RAB11FIP3: variants seen among roughly 807,000 people sequenced by gnomAD.
RAB11FIP3 encodes the protein RAB11 family interacting protein 3.
A neutral mutation model predicts 77.8 loss-of-function variants in RAB11FIP3; 17 were observed. The observed-to-expected ratio is 0.22, with a 90% CI of 0.15 to 0.33. The LOEUF (loss-of-function observed/expected upper bound fraction) is 0.33, where lower values mean the gene tolerates loss of function less well. Among genes scored for constraint, RAB11FIP3 ranks in the 10% least tolerant of loss-of-function variants. RAB11FIP3 has a pLI of 1.00. For missense variants in RAB11FIP3, 1,005 were observed against 1,011.2 expected, an observed-to-expected ratio of 0.99 and a Z score of 0.08; for synonymous variants, 437 against 448.2, an observed-to-expected ratio of 0.98 and a Z score of 0.31.
At chr16:519,188 G>C (rs1267598649) in intron 10 of RAB11FIP3, 164 bp downstream of exon 10, 1 of 685,784 alleles carries the variant, frequency 1.5e-6, no homozygotes, top group Non-Finnish European at 2.5e-6. Context: ...ACTGGACCGT[G>C]CTCCACCCAC....
Position 519,777 on chromosome 16 carries a change from G to A in RAB11FIP3, c.1746G>A (p.Glu582=), listed in dbSNP as rs1222188834. Residue 582 remains glutamate, a synonymous_variant, in exon 11 of 14, where the codon GAG becomes GAA. Coordinates refer to ENST00000262305, the MANE Select transcript of RAB11FIP3 (RefSeq NM_014700.4). The part of the protein sequence containing the change: ...LEEEKQKLLD[E]IESLTLRLSE... Reference sequence around the variant, plus strand: ...AGGAGAAGCAGAAGCTGTTGGATGAGATAGAGTCGCTGACGCTGCGGCTCA... The same window carrying A: ...AGGAGAAGCAGAAGCTGTTGGATGAAATAGAGTCGCTGACGCTGCGGCTCA... 1.2e-6 allele frequency: 2 copies of A among 1,612,762 alleles called. No individual in the cohort carries two copies. Among genetic ancestry groups the A allele is most frequent in the South Asian group, 1.1e-5 (1 of 90,832 alleles).
chr16:513,153 A>C (rs2032260898), intron 9 of RAB11FIP3, among the ~76,000 whole-genome samples: 2 of 152,216 alleles, frequency 1.3e-5, no homozygotes, highest in Non-Finnish European at 2.9e-5. Flanking sequence ...AGGACTCTAG[A>C]GTTCTCTATC....
intron 6 of RAB11FIP3, chr16:497,490 C>G (rs991563960): frequency 2.5e-6 from 3 of 1,190,876 alleles, no homozygotes; most frequent in South Asian, 1.6e-5. Context: ...TCCTAGTCCC[C>G]GTCCTGCTTC....
intron 7 of RAB11FIP3, among the ~76,000 whole-genome samples, chr16:503,424 C>T (rs759442120): frequency 5.3e-5 from 8 of 152,174 alleles, no homozygotes; most frequent in Admixed American, 1.3e-4. Flanking sequence ...ACATTCAGTC[C>T]ACCAGGCCCA....
At chr16:515,703 T>C (rs2032378821) in intron 9 of RAB11FIP3, among the ~76,000 whole-genome samples, 1 of 150,890 alleles carries the variant, frequency 6.6e-6, no homozygotes, top group African/African-American at 2.5e-5. Context: ...CGCACCGGTG[T>C]TTGCATCTCG....
rs1167520727 is a variant in RAB11FIP3 at position 425,766 on chromosome 16, G to T, written c.-241G>T. The T allele has an allele frequency of 1.5e-5, 5 of 332,970 alleles. No homozygotes were observed. Among genetic ancestry groups the T allele is most frequent in the Middle Eastern group, 8.1e-4 (1 of 1,234 alleles). 20.6% of individuals were successfully genotyped at this position (332,970 alleles called of 1,614,324 possible). On this transcript the variant is annotated 5_prime_UTR_variant, in exon 1 of 14. Transcript: ENST00000262305. Reference sequence around the variant, plus strand: ...GCCATCCGCCGCCCGGATCCTCGCCGCCCTCCCTAGGCCGCCCCGCCGCCA... The same window carrying T: ...GCCATCCGCCGCCCGGATCCTCGCCTCCCTCCCTAGGCCGCCCCGCCGCCA...
In RAB11FIP3 at chr16:519,974, T is replaced by C. The variant is rs2032602128; in HGVS notation, c.1860+83T>C. On this transcript the variant is annotated intron_variant, in intron 11 of 13. Transcript: ENST00000262305. ...CTTTGTTTCCTGAGACGCTAGCTCT[T>C]GGCTGTGCTGCTTTGGGCATAGCCG... 3 of 1,523,120 alleles carry C rather than the reference T, an allele frequency of 2.0e-6. No individual in the cohort carries two copies. The East Asian group carries it at 7.4e-5, about 38-fold the overall frequency. 94.4% of individuals were successfully genotyped at this position (1,523,120 alleles called of 1,614,324 possible). A position where few individuals can be genotyped will look rare whatever the true frequency, so the allele number is the denominator to read the frequency against.
intron 9 of RAB11FIP3, among the ~76,000 whole-genome samples, chr16:516,999 G>A (rs1027285636): frequency 6.6e-6 from 1 of 152,212 alleles, no homozygotes; most frequent in Admixed American, 6.5e-5. Context: ...GGGAAAGCAG[G>A]GACCTGTCAG....
rs570908723 is a variant in RAB11FIP3, at chr16:430,977, G to A, written c.714+4257G>A. Among the ~76,000 whole-genome samples, 16 of 152,340 alleles carry A rather than the reference G, an allele frequency of 1.1e-4. No individual in the cohort carries two copies. In the East Asian group the frequency reaches 2.7e-3, roughly 26 times the overall value. On this transcript the variant is annotated intron_variant, in intron 1 of 13. Coordinates refer to ENST00000262305, the MANE Select transcript of RAB11FIP3 (RefSeq NM_014700.4). Reference sequence around the variant, plus strand: ...AGTTCTGGGATTGCAGGCATGAGCCGTAGCGCCCAGCCTGGCATCGCCTTT... The same window carrying A: ...AGTTCTGGGATTGCAGGCATGAGCCATAGCGCCCAGCCTGGCATCGCCTTT...
chr16:472,489 A>C lies in RAB11FIP3; in HGVS notation c.903+1100A>C, dbSNP rs1205423918. The stretch of plus-strand genomic sequence containing the variant: ...ACCCTCTCGCATGGCTGCAGTGTGC[A>C]GAACGTGCTGGGAGACCCCAGGACT... On this transcript the variant is annotated intron_variant, in intron 3 of 13. Coordinates refer to ENST00000262305, the MANE Select transcript of RAB11FIP3 (RefSeq NM_014700.4). This position sits in a 1 kb window ranked among gnomAD's most constrained non-coding sequence, Gnocchi z 4.1. Among the ~76,000 whole-genome samples the C allele has an allele frequency of 6.6e-6, 1 of 152,202 alleles. No individual in the cohort carries two copies. Among genetic ancestry groups the C allele is most frequent in the Admixed American group, 6.5e-5 (1 of 15,282 alleles).
intron 5 of RAB11FIP3, among the ~76,000 whole-genome samples, chr16:496,316 GGCTATATTTACTGC>G (rs2031124277): frequency 6.6e-6 from 1 of 152,206 alleles, no homozygotes; most frequent in Non-Finnish European, 1.5e-5. Context: ...ATGTATAATT[GGCTATATTTACTGC>G]CCTGAAATGG....
At chr16:437,024 C>G (rs2141851661) in intron 1 of RAB11FIP3, among the ~76,000 whole-genome samples, 1 of 152,058 alleles carries the variant, frequency 6.6e-6, no homozygotes, top group Non-Finnish European at 1.5e-5. Context: ...ACTTGTAATC[C>G]CAGCACTTTG....
At chr16:462,460 C>T (rs1041080448) in intron 2 of RAB11FIP3, among the ~76,000 whole-genome samples, 1 of 152,114 alleles carries the variant, frequency 6.6e-6, no homozygotes, top group Non-Finnish European at 1.5e-5. Flanking sequence ...GTCTTGAACT[C>T]CTGACCTCAG....
rs568936152 is a variant in RAB11FIP3 at position 510,111 on chromosome 16, C to T, written c.1500-549C>T. ...ACCTCCACGCCCCGTCCCGAGTCCC[C>T]GTGCCTCTGGGCTCTGAGCGCACTC... On this transcript the variant is annotated intron_variant, in intron 8 of 13. Transcript: ENST00000262305. Among the ~76,000 whole-genome samples the T allele has an allele frequency of 2.1e-3, 309 of 148,206 alleles. 2 individuals carry two copies. Among genetic ancestry groups the T allele is most frequent in the African/African-American group, 7.6e-3 (297 of 39,314 alleles).
intron 2 of RAB11FIP3, among the ~76,000 whole-genome samples, chr16:465,255 A>G (rs2055682245): frequency 6.6e-6 from 1 of 152,110 alleles, no homozygotes; most frequent in African/African-American, 2.4e-5. Context: ...GACCCCCAGA[A>G]CTGGTTGTCA....
At position 458,357 on chromosome 16, in the gene RAB11FIP3, G is replaced by A. The variant is rs1242539846; in HGVS notation, c.715-3047G>A. Among the ~76,000 whole-genome samples the A allele has an allele frequency of 3.3e-5, 5 of 152,352 alleles. No homozygotes were observed. The South Asian group carries it at 6.2e-4, about 19-fold the overall frequency. On this transcript the variant is annotated intron_variant, in intron 1 of 13. Transcript: ENST00000262305. ...CTTGAGGGTTCTGTGCTTGCTGCTT[G>A]GTAGCAGCCCCGGCATCTGGACTTC...
chr16:519,605 G>T (rs2141910477), intron 10 of RAB11FIP3, 149 bp from the exon 11 acceptor site: 6 of 1,041,704 alleles, frequency 5.8e-6, no homozygotes, highest in East Asian at 5.2e-5. Flanking sequence ...AGGCAGGAAG[G>T]CTCAGACCCA....
chr16:511,534 A>T (rs1451150960), intron 9 of RAB11FIP3, among the ~76,000 whole-genome samples: 9 of 80,032 alleles, frequency 1.1e-4, no homozygotes, highest in Admixed American at 1.2e-4. Flanking sequence ...CAGGTAGGAG[A>T]AGTTCCCCGA....
At chr16:470,365 T>C (rs538061794) in intron 2 of RAB11FIP3, among the ~76,000 whole-genome samples, 1 of 152,260 alleles carries the variant, frequency 6.6e-6, no homozygotes, top group East Asian at 1.9e-4. Flanking sequence ...TCACCTGGGC[T>C]GAAGCAATCC....
Sources: allele counts gnomAD v4.1 joint callset (sites outside exome capture counted in the v4.1 genomes callset), GRCh38; gene constraint gnomAD v4.1.1; non-coding constraint Gnocchi (gnomAD v3.1); transcripts MANE v1.5; gene names NCBI Gene and HGNC (gene_info 2026-07-23, HGNC 2026-07-21).